PLPP2: variants seen among roughly 807,000 people sequenced by gnomAD.
PLPP2 encodes the protein phospholipid phosphatase 2.
PLPP2 carries 29 observed loss-of-function variants against 35.2 expected under a neutral mutation model. That is an observed-to-expected ratio of 0.82 (90% CI 0.61 to 1.12). The LOEUF (loss-of-function observed/expected upper bound fraction) is 1.12. Ranked by LOEUF, PLPP2 falls within the 50% of genes most tolerant of loss-of-function variation. The pLI, the probability that PLPP2 is intolerant of heterozygous loss-of-function variation, is 0.00. For synonymous variants in PLPP2, 162 were observed against 167.0 expected, an observed-to-expected ratio of 0.97 and a Z score of 0.23; for missense variants, 353 against 375.2, an observed-to-expected ratio of 0.94 and a Z score of 0.49.
At chr19:281,666 T>G (rs1038428313) in intron 5 of PLPP2, 129 bp from the exon 6 acceptor site, 49 of 797,384 alleles carry the variant, frequency 6.1e-5, no homozygotes, top group Non-Finnish European at 8.4e-5. Flanking sequence ...ATGAGAGGAG[T>G]AGTGCCTGGG....
chr19:283,678 G>A (rs906649548), intron 3 of PLPP2: 5 of 152,262 alleles, frequency 3.3e-5, no homozygotes, highest in Non-Finnish European at 7.3e-5. Flanking sequence ...AGAGGCCTGC[G>A]AGGGCCGAAG....
chr19:285,051 G>A (rs1195212908), intron 3 of PLPP2: 3 of 152,330 alleles, frequency 2.0e-5, no homozygotes, highest in African/African-American at 7.2e-5. Context: ...AGGAGGCAGA[G>A]GTTGCAGTGA....
intron 4 of PLPP2, 120 bp downstream of exon 4, chr19:282,632 A>G (rs1970203192): frequency 9.2e-6 from 10 of 1,086,186 alleles, no homozygotes; most frequent in Non-Finnish European, 1.3e-5. Context: ...TAAACAAATC[A>G]GTTAGCCCCC....
chr19:288,610 A>G (rs1970319801), intron 1 of PLPP2: 1 of 154,314 alleles, frequency 6.5e-6, no homozygotes, highest in Non-Finnish European at 1.4e-5. Flanking sequence ...AGTATCTCTA[A>G]TTTATGTGCG....
chr19:282,050 C>T, intron 5 of PLPP2, 84 bp downstream of exon 5: 3 of 1,494,914 alleles, frequency 2.0e-6, no homozygotes, highest in Non-Finnish European at 2.7e-6. Flanking sequence ...CTCAGTGGGG[C>T]AAGGGTACCC....
intron 3 of PLPP2, chr19:284,451 G>C (rs965774113): frequency 6.6e-6 from 1 of 152,102 alleles, no homozygotes; most frequent in Non-Finnish European, 1.5e-5. Context: ...AGGACACCCA[G>C]ATGTTGGACT....
At chr19:290,339 A>C (rs1250954094) in intron 1 of PLPP2, among the ~76,000 whole-genome samples, 1 of 152,218 alleles carries the variant, frequency 6.6e-6, no homozygotes, top group Admixed American at 6.5e-5. Flanking sequence ...AGTTCCTGGC[A>C]TACAGAAAGT....
At chr19:290,626 G>T (rs999461574) in intron 1 of PLPP2, among the ~76,000 whole-genome samples, 2 of 152,206 alleles carry the variant, frequency 1.3e-5, no homozygotes. Flanking sequence ...TGCGGGAGGG[G>T]GGCCTCGGGA....
rs756103201 is a variant in PLPP2, at chr19:288,029, G to C, written c.195C>G (p.Thr65=). 33 of 1,612,040 alleles carry C rather than the reference G, an allele frequency of 2.0e-5. No homozygotes were observed. The highest frequency in any genetic ancestry group is 2.6e-5 in the Non-Finnish European group (31 of 1,179,298). The change falls in exon 2 of 6, where the codon ACC becomes ACG. Residue 65 remains threonine (T), a synonymous_variant. Coordinates refer to ENST00000434325, the MANE Select transcript of PLPP2 (RefSeq NM_003712.4). ...GLMAGVTITA[T]VILVSAGEAY... Reference sequence around the variant, plus strand: ...GCCCCTCCTGCCTTACAAGGATGACGGTGGCCGTGATGGTGACCCCAGCCA... The same window carrying C: ...GCCCCTCCTGCCTTACAAGGATGACCGTGGCCGTGATGGTGACCCCAGCCA...
chr19:282,279 C>T lies in PLPP2; in HGVS notation c.572G>A (p.Trp191Ter), dbSNP rs1970190305. 2 of 1,613,818 alleles carry T rather than the reference C, an allele frequency of 1.2e-6. No homozygotes were observed. Among genetic ancestry groups the T allele is most frequent in the Non-Finnish European group, 1.7e-6 (2 of 1,179,872 alleles). ...GACTGTGGGTCGCAGCAGCCGTGCC[C>T]ACTTCCAACAGAGTCGTGCCTGCAC... ...LYVQARLCWK[W>*]ARLLRPTVQF... is the part of the protein sequence containing the mutation. The change falls in exon 5 of 6, where the codon TGG becomes TAG. Residue 191 changes from tryptophan to a stop codon, truncating the protein, a stop_gained. Transcript: ENST00000434325. LOFTEE classifies it high-confidence loss of function.
intron 1 of PLPP2, 187 bp from the exon 2 acceptor site, chr19:288,358 C>A: frequency 2.0e-6 from 1 of 502,622 alleles, no homozygotes; most frequent in Non-Finnish European, 3.4e-6. Context: ...ACTCCTCAGG[C>A]GCTCTGCCCC....
At chr19:290,909 G>T in intron 1 of PLPP2, 1 of 1,218,204 alleles carries the variant, frequency 8.2e-7, no homozygotes, top group Non-Finnish European at 1.0e-6. Context: ...TCCTGCCGGG[G>T]TAACCCGCGG....
intron 1 of PLPP2, 154 bp from the exon 2 acceptor site, chr19:288,325 C>T (rs1970312748): frequency 3.0e-5 from 20 of 659,472 alleles, no homozygotes; most frequent in South Asian, 1.7e-4. Context: ...CACTCCCTTT[C>T]GCATCCCCTC....
chr19:282,663 A>C, intron 4 of PLPP2, 89 bp downstream of exon 4: 2 of 1,412,420 alleles, frequency 1.4e-6, no homozygotes, highest in South Asian at 2.4e-5. Flanking sequence ...CTACCCACCC[A>C]TTTTACAGCT....
chr19:290,627 G>A (rs1970369121), intron 1 of PLPP2, among the ~76,000 whole-genome samples: 1 of 152,206 alleles, frequency 6.6e-6, no homozygotes. Flanking sequence ...GCGGGAGGGG[G>A]GCCTCGGGAT....
chr19:288,207 C>G, intron 1 of PLPP2, 36 bp from the exon 2 acceptor site: 1 of 1,542,282 alleles, frequency 6.5e-7, no homozygotes, highest in Non-Finnish European at 8.8e-7. Context: ...CTGTGAGGTT[C>G]TCTCACCAGC....
At chr19:291,093 C>T in intron 1 of PLPP2, 192 bp downstream of exon 1, 1 of 1,338,748 alleles carries the variant, frequency 7.5e-7, no homozygotes, top group Non-Finnish European at 9.6e-7. Context: ...CGCGGGGACC[C>T]CCGAGCCTGG....
chr19:284,825 T>C (rs755339777), intron 3 of PLPP2: 7 of 151,940 alleles, frequency 4.6e-5, no homozygotes, highest in African/African-American at 1.5e-4. Context: ...AACTTGAAAA[T>C]AGGTCAATTG....
In PLPP2 at chr19:291,349, C is replaced by A; in HGVS notation, c.-13G>T. The A allele has an allele frequency of 1.3e-6, 2 of 1,589,372 alleles. No individual in the cohort carries two copies. Among genetic ancestry groups the A allele is most frequent in the Non-Finnish European group, 1.7e-6 (2 of 1,170,280 alleles). Reference sequence around the variant, plus strand: ...ACCTCCGCTGCATGGTCCCCGCGACCCCCGACGCCGGTCCCAGCGCGTCCC... The same window carrying A: ...ACCTCCGCTGCATGGTCCCCGCGACACCCGACGCCGGTCCCAGCGCGTCCC... On this transcript the variant is annotated 5_prime_UTR_variant, in exon 1 of 6. Transcript: ENST00000434325.
Sources: allele counts gnomAD v4.1 joint callset (sites outside exome capture counted in the v4.1 genomes callset), GRCh38; gene constraint gnomAD v4.1.1; transcripts MANE v1.5; gene names NCBI Gene and HGNC (gene_info 2026-07-23, HGNC 2026-07-21).